The following FBXL17 variants were observed in gnomAD, a reference collection of about 807,000 sequenced individuals.
FBXL17 encodes F-box/LRR-repeat protein 17.
FBXL17 carries 22 observed loss-of-function variants against 66.2 expected under a neutral mutation model. That is an observed-to-expected ratio of 0.33 (90% CI 0.24 to 0.47). The LOEUF (loss-of-function observed/expected upper bound fraction) is 0.47, where lower values mean the gene tolerates loss of function less well. FBXL17 is among the 20% of genes least tolerant of loss of function. The pLI, the probability that FBXL17 is intolerant of heterozygous loss-of-function variation, is 1.00. For synonymous variants in FBXL17, 474 were observed against 400.5 expected, an observed-to-expected ratio of 1.18 and a Z score of -2.19; for missense variants, 878 against 948.2, an observed-to-expected ratio of 0.93 and a Z score of 0.97.
At chr5:108,172,338 G>A (rs1752636780) in intron 6 of FBXL17, among the ~76,000 whole-genome samples, 1 of 152,178 alleles carries the variant, frequency 6.6e-6, no homozygotes, top group Non-Finnish European at 1.5e-5. Context: ...ATCAGTCACA[G>A]CCAAGTCACA....
intron 4 of FBXL17, among the ~76,000 whole-genome samples, chr5:108,321,635 AGTGCT>A (rs887016505): frequency 2.0e-5 from 3 of 151,884 alleles, no homozygotes; most frequent in African/African-American, 7.2e-5. Context: ...CCATTCAAAA[AGTGCT>A]GTTTTGACTT....
chr5:107,934,682 A>G (rs780132681), intron 7 of FBXL17, among the ~76,000 whole-genome samples: 8 of 152,018 alleles, frequency 5.3e-5, no homozygotes, highest in Non-Finnish European at 1.0e-4. Flanking sequence ...TTAAGTCCTT[A>G]TTGGGGGCTG....
intron 4 of FBXL17, among the ~76,000 whole-genome samples, chr5:108,256,939 A>T (rs1183753871): frequency 1.3e-5 from 2 of 152,092 alleles, no homozygotes; most frequent in South Asian, 2.1e-4. Context: ...GGATATTTTT[A>T]AAGTTGTGTT....
At chr5:108,342,489 C>T (rs926578491) in intron 4 of FBXL17, among the ~76,000 whole-genome samples, 1 of 152,092 alleles carries the variant, frequency 6.6e-6, no homozygotes, top group African/African-American at 2.4e-5. Flanking sequence ...TAACTTCTTC[C>T]TTTGATGTCT....
chr5:108,309,054 AG>A (rs1758990446), intron 4 of FBXL17, among the ~76,000 whole-genome samples: 1 of 152,088 alleles, frequency 6.6e-6, no homozygotes, highest in Admixed American at 6.5e-5. Context: ...GAATTATTAC[AG>A]GGATACTTAT....
chr5:108,381,966 C>G lies in FBXL17; in HGVS notation c.-275G>C. 2.4e-6 allele frequency: 3 copies of G among 1,227,084 alleles called. No homozygotes were observed. Among genetic ancestry groups the G allele is most frequent in the Non-Finnish European group, 3.1e-6 (3 of 982,116 alleles). 76.0% of individuals were successfully genotyped at this position (1,227,084 alleles called of 1,614,324 possible). The stretch of plus-strand genomic sequence containing the variant: ...GGACGCGAGGGAGGGAGCGAGCGAG[C>G]CTGCCGGCTAGGCGACCAGTCCGGG... On this transcript the variant is annotated 5_prime_UTR_variant, in exon 1 of 9. Transcript: ENST00000542267.
Position 108,107,292 on chromosome 5 carries a change from G to A in FBXL17, c.1745+78825C>T, listed in dbSNP as rs576821509. 3.9e-5 allele frequency among the ~76,000 whole-genome samples: 6 copies of A among 152,204 alleles called. No individual in the cohort carries two copies. The East Asian group carries it at 5.8e-4, about 15-fold the overall frequency. On this transcript the variant is annotated intron_variant, in intron 6 of 8. Transcript: ENST00000542267. ...TCTCCATGTTGGTCAGGCTGGTCTC[G>A]AACTCCCGACCTCAGGTGATCCACC... is the stretch of plus-strand genomic sequence containing the variant.
chr5:108,212,640 G>C (rs1352633338), intron 5 of FBXL17, among the ~76,000 whole-genome samples: 1 of 152,198 alleles, frequency 6.6e-6, no homozygotes, highest in East Asian at 1.9e-4. Context: ...ATCACCAGCA[G>C]AGGCTGCAGA....
intron 7 of FBXL17, among the ~76,000 whole-genome samples, chr5:107,972,417 TA>T (rs756761591): frequency 2.0e-5 from 3 of 152,196 alleles, no homozygotes; most frequent in Non-Finnish European, 4.4e-5. Context: ...AGTCAACTCT[TA>T]AGCCTCCCAA....
chr5:107,913,260 G>A (rs1750009063), intron 7 of FBXL17, among the ~76,000 whole-genome samples: 1 of 151,816 alleles, frequency 6.6e-6, no homozygotes, highest in Non-Finnish European at 1.5e-5. Context: ...CATTTTTGTG[G>A]AACTGACAGA....
chr5:108,070,150 T>A (rs968976735), intron 6 of FBXL17, among the ~76,000 whole-genome samples: 2 of 152,210 alleles, frequency 1.3e-5, no homozygotes, highest in African/African-American at 4.8e-5. Flanking sequence ...AAAATTAATA[T>A]GTTCACTCTA....
chr5:108,353,764 A>C (rs1205084398), intron 3 of FBXL17, among the ~76,000 whole-genome samples: 1 of 152,078 alleles, frequency 6.6e-6, no homozygotes, highest in Non-Finnish European at 1.5e-5. Flanking sequence ...GGGTAAGGGG[A>C]AAAAAAGAAG....
chr5:108,078,207 A>T (rs286787), intron 6 of FBXL17, among the ~76,000 whole-genome samples: 6,834 of 152,284 alleles, frequency 0.045, 530 homozygotes, highest in African/African-American at 0.15. Flanking sequence ...CAACTGAACT[A>T]ATCTATGCTC....
intron 6 of FBXL17, among the ~76,000 whole-genome samples, chr5:108,026,462 A>C (rs1754830699): frequency 6.6e-6 from 1 of 152,192 alleles, no homozygotes; most frequent in African/African-American, 2.4e-5. Flanking sequence ...TACCAAATAT[A>C]CACCTAAGTC....
At chr5:108,186,599 A>G (rs1045543136) in intron 5 of FBXL17, among the ~76,000 whole-genome samples, 16 of 151,860 alleles carry the variant, frequency 1.1e-4, no homozygotes, top group Non-Finnish European at 2.4e-4. Context: ...GTGAAACCCC[A>G]TCTCTACTAA....
At chr5:108,001,902 C>G (rs1449385318) in intron 7 of FBXL17, among the ~76,000 whole-genome samples, 2 of 151,552 alleles carry the variant, frequency 1.3e-5, no homozygotes, top group Non-Finnish European at 2.9e-5. Context: ...TCCTCTTGTG[C>G]TATTAAAGAA....
chr5:108,141,314 C>T (rs1751339816), intron 6 of FBXL17, among the ~76,000 whole-genome samples: 1 of 152,094 alleles, frequency 6.6e-6, no homozygotes, highest in African/African-American at 2.4e-5. Context: ...ACCCACCAAC[C>T]CCAACACACA....
At chr5:108,239,151 T>C (rs947705151) in intron 4 of FBXL17, among the ~76,000 whole-genome samples, 14 of 152,106 alleles carry the variant, frequency 9.2e-5, no homozygotes, top group Non-Finnish European at 1.6e-4. Flanking sequence ...CAGAGCAAGA[T>C]GGCTGAGTAG....
chr5:108,191,236 T>C (rs1753457784), intron 5 of FBXL17, among the ~76,000 whole-genome samples: 1 of 152,202 alleles, frequency 6.6e-6, no homozygotes, highest in Non-Finnish European at 1.5e-5. Flanking sequence ...TACATAAATA[T>C]CTCCTACACA....
Sources: gnomAD v4.1 joint callset for allele counts (sites outside exome capture counted in the v4.1 genomes callset) on GRCh38, gnomAD v4.1.1 for gene constraint, MANE v1.5 for transcripts, NCBI Gene and HGNC (gene_info 2026-07-23, HGNC 2026-07-21) for gene names.